The following CALCRL variants were observed in gnomAD, a reference collection of about 807,000 sequenced individuals.
CALCRL encodes calcitonin receptor like receptor.
CALCRL carries 27 observed loss-of-function variants against 60.4 expected under a neutral mutation model. The observed-to-expected ratio is 0.45, with a 90% CI of 0.33 to 0.62. The LOEUF is 0.62. CALCRL is among the 20% of genes least tolerant of loss of function. The probability of loss-of-function intolerance (pLI) is 0.03; values close to 1 mark genes in which losing one functional copy is unlikely to be tolerated. For missense variants in CALCRL, 424 were observed against 540.7 expected (o/e 0.78, Z 2.14); for synonymous variants, 190 against 182.6 (o/e 1.04, Z -0.33).
At chr2:187,379,063 C>A in intron 7 of CALCRL, 32 bp from the exon 8 acceptor site, 1 of 1,093,470 alleles carries the variant, frequency 9.1e-7, no homozygotes, top group South Asian at 1.3e-5. Context: ...AAATTTGGTT[C>A]ATATCAATAC....
intron 8 of CALCRL, among the ~76,000 whole-genome samples, chr2:187,375,970 G>C (rs559812988): frequency 6.6e-6 from 1 of 152,136 alleles, no homozygotes; most frequent in African/African-American, 2.4e-5. Context: ...TACAGTTTAT[G>C]TGTGTAGACT....
intron 14 of CALCRL, 61 bp from the exon 15 acceptor site, chr2:187,346,460 T>G: frequency 8.2e-7 from 1 of 1,217,586 alleles, no homozygotes; most frequent in Non-Finnish European, 1.2e-6. Context: ...ATGAAGACAC[T>G]GTTTTTGAAG....
intron 9 of CALCRL, among the ~76,000 whole-genome samples, chr2:187,361,448 C>G (rs904085560): frequency 2.6e-5 from 4 of 151,896 alleles, no homozygotes; most frequent in African/African-American, 9.7e-5. Flanking sequence ...ACAATTAAAG[C>G]TTTCCCAAAA....
intron 1 of CALCRL, among the ~76,000 whole-genome samples, chr2:187,405,960 G>GGTGTGT (rs3079520): frequency 0.031 from 4,477 of 146,688 alleles, 101 homozygotes; most frequent in Non-Finnish European, 0.043. Flanking sequence ...TGTATGTAGG[G>GGTGTGT]GTGTGTGTGT....
chr2:187,438,550 T>C (rs988242987), intron 1 of CALCRL, among the ~76,000 whole-genome samples: 1 of 152,170 alleles, frequency 6.6e-6, no homozygotes, highest in Non-Finnish European at 1.5e-5. Context: ...TTGTTTTTTT[T>C]TTCCTCCTTG....
At chr2:187,383,357 A>T in intron 4 of CALCRL, 52 bp from the exon 5 acceptor site, 1 of 1,495,590 alleles carries the variant, frequency 6.7e-7, no homozygotes, top group South Asian at 1.2e-5. Context: ...GATTATGAAA[A>T]TGTGTTTGTC....
At chr2:187,444,339 C>T (rs1393623192) in intron 1 of CALCRL, among the ~76,000 whole-genome samples, 1 of 151,434 alleles carries the variant, frequency 6.6e-6, no homozygotes, top group Non-Finnish European at 1.5e-5. Flanking sequence ...GCCCCAATAC[C>T]ATAGGGGTTA....
intron 4 of CALCRL, 54 bp downstream of exon 4, chr2:187,385,491 T>A: frequency 1.1e-6 from 1 of 875,762 alleles, no homozygotes. Context: ...CTTTATCAAT[T>A]ATAGGTATAC....
rs551629163 is a variant in CALCRL at position 187,413,499 on chromosome 2, C to T, written c.-292-25743G>A. On this transcript the variant is annotated intron_variant, in intron 1 of 14. Coordinates refer to ENST00000392370, the MANE Select transcript of CALCRL (RefSeq NM_005795.6). Reference sequence around the variant, plus strand: ...CCCATATGAGAAAAGCAAGAGAATGCGATAAGACTATAATAGAAGACATTG... The same window carrying T: ...CCCATATGAGAAAAGCAAGAGAATGTGATAAGACTATAATAGAAGACATTG... Among the ~76,000 whole-genome samples the T allele has an allele frequency of 1.1e-4, 17 of 152,042 alleles. No individual in the cohort carries two copies. In the East Asian group the frequency reaches 1.9e-3, roughly 17 times the overall value.
intron 12 of CALCRL, among the ~76,000 whole-genome samples, chr2:187,352,597 A>G (rs1198703521): frequency 6.6e-6 from 1 of 151,878 alleles, no homozygotes. Flanking sequence ...CAGTTGAAGA[A>G]TATTTCAGTT....
intron 8 of CALCRL, among the ~76,000 whole-genome samples, chr2:187,364,416 G>C (rs1040062044): frequency 2.6e-5 from 4 of 151,856 alleles, no homozygotes; most frequent in African/African-American, 9.7e-5. Context: ...TATGAAGGAA[G>C]ACCTGAGGAA....
chr2:187,444,260 G>C (rs1691063382), intron 1 of CALCRL, among the ~76,000 whole-genome samples: 1 of 151,562 alleles, frequency 6.6e-6, no homozygotes, highest in Non-Finnish European at 1.5e-5. Flanking sequence ...TATGTTCCAT[G>C]TTAAGGGAAA....
intron 1 of CALCRL, among the ~76,000 whole-genome samples, chr2:187,411,464 A>G (rs1689354335): frequency 6.6e-6 from 1 of 152,122 alleles, no homozygotes. Context: ...GTAGCAAATG[A>G]CCCATGGTAT....
chr2:187,409,881 A>C (rs940688979), intron 1 of CALCRL, among the ~76,000 whole-genome samples: 29 of 152,276 alleles, frequency 1.9e-4, no homozygotes, highest in African/African-American at 6.3e-4. Flanking sequence ...AAACATAAGC[A>C]AATGCCTTCT....
chr2:187,376,002 T>C (rs561193008), intron 8 of CALCRL, among the ~76,000 whole-genome samples: 55 of 152,282 alleles, frequency 3.6e-4, no homozygotes, highest in African/African-American at 1.3e-3. Flanking sequence ...GCCAAATACT[T>C]TAACAGATAC....
intron 3 of CALCRL, among the ~76,000 whole-genome samples, chr2:187,386,163 CA>C (rs1419674272): frequency 1.3e-5 from 1 of 75,112 alleles, no homozygotes; most frequent in Non-Finnish European, 2.8e-5. Flanking sequence ...AATTAGAAAA[CA>C]ACTTGCATTT....
chr2:187,363,233 T>C (rs1687134442), intron 9 of CALCRL, 143 bp downstream of exon 9: 1 of 723,434 alleles, frequency 1.4e-6, no homozygotes, highest in Non-Finnish European at 2.0e-6. Context: ...CCCCAAGATA[T>C]AAAGACTTGA....
intron 1 of CALCRL, among the ~76,000 whole-genome samples, chr2:187,440,193 G>A (rs1317122619): frequency 6.6e-6 from 1 of 151,854 alleles, no homozygotes; most frequent in Non-Finnish European, 1.5e-5. Context: ...ATGCATATTA[G>A]GTTGAACTAA....
At chr2:187,379,940 C>G (rs1241404139) in intron 7 of CALCRL, among the ~76,000 whole-genome samples, 1 of 152,150 alleles carries the variant, frequency 6.6e-6, no homozygotes, top group Non-Finnish European at 1.5e-5. Flanking sequence ...CAAATACATG[C>G]AAGTGTTTTC....
Sources: allele counts gnomAD v4.1 joint callset (sites outside exome capture counted in the v4.1 genomes callset), GRCh38; gene constraint gnomAD v4.1.1; transcripts MANE v1.5; gene names NCBI Gene and HGNC (gene_info 2026-07-23, HGNC 2026-07-21).